Variants in GRID1 observed in about 807,000 individuals in gnomAD.
GRID1 encodes the protein glutamate ionotropic receptor delta type subunit 1, also known as glutamate receptor ionotropic, delta-1.
A neutral mutation model predicts 98.0 loss-of-function variants in GRID1; 28 were observed. The ratio of observed to expected loss-of-function variants is 0.29; its 90% CI spans 0.21 to 0.39. The LOEUF (loss-of-function observed/expected upper bound fraction) is 0.39. GRID1 is among the 10% of genes least tolerant of loss of function. The pLI is 1.00. For synonymous variants in GRID1, 553 were observed against 538.5 expected (o/e 1.03, Z -0.37); for missense variants, 1,111 against 1,340.5 (o/e 0.83, Z 2.67).
At position 85,626,837 on chromosome 10, in the gene GRID1, A is replaced by G. The variant is rs536938285; in HGVS notation, c.2194-6804T>C. Among the ~76,000 whole-genome samples, 15 of 152,342 alleles carry G rather than the reference A, an allele frequency of 9.8e-5. No individual in the cohort carries two copies. In the South Asian group the frequency reaches 3.1e-3, roughly 32 times the overall value. On this transcript the variant is annotated intron_variant, in intron 13 of 15. Coordinates refer to ENST00000327946, the MANE Select transcript of GRID1 (RefSeq NM_017551.3). ...CTGCAGAGAAAAAGACAATTTTGCA[A>G]TCGGCTGGTGGGAGTGTGGCTGGCG... is the stretch of plus-strand genomic sequence containing the variant.
chr10:86,111,043 T>G (rs1235655703), intron 4 of GRID1, among the ~76,000 whole-genome samples: 1 of 152,228 alleles, frequency 6.6e-6, no homozygotes, highest in Non-Finnish European at 1.5e-5. Flanking sequence ...ATTTGTGGGT[T>G]GCTTGGGCAG....
intron 8 of GRID1, among the ~76,000 whole-genome samples, chr10:85,801,849 T>C (rs1388335501): frequency 6.6e-6 from 1 of 151,936 alleles, no homozygotes; most frequent in Non-Finnish European, 1.5e-5. Flanking sequence ...TTAAGAGATA[T>C]TATTTTCAGA....
chr10:85,954,932 G>A (rs1378662669), intron 4 of GRID1, among the ~76,000 whole-genome samples: 1 of 152,200 alleles, frequency 6.6e-6, no homozygotes, highest in African/African-American at 2.4e-5. Context: ...GACACTTGTT[G>A]AACTTGTGTT....
At chr10:86,126,492 C>A (rs550613159) in intron 4 of GRID1, among the ~76,000 whole-genome samples, 1 of 152,062 alleles carries the variant, frequency 6.6e-6, no homozygotes, top group South Asian at 2.1e-4. Context: ...AATAGGAACT[C>A]CTAGGACCAC....
chr10:86,278,003 T>C (rs537882886), intron 2 of GRID1, among the ~76,000 whole-genome samples: 1 of 144,826 alleles, frequency 6.9e-6, no homozygotes. Flanking sequence ...TTATCAATAA[T>C]AACTTTAAAT....
intron 2 of GRID1, among the ~76,000 whole-genome samples, chr10:86,291,185 G>C (rs1397954699): frequency 6.6e-6 from 1 of 152,212 alleles, no homozygotes; most frequent in East Asian, 1.9e-4. Context: ...GTGGCGGGGG[G>C]TGGAAAGCAG....
intron 8 of GRID1, among the ~76,000 whole-genome samples, chr10:85,780,716 C>G (rs532369301): frequency 6.6e-6 from 1 of 152,336 alleles, no homozygotes; most frequent in South Asian, 2.1e-4. Context: ...CCTATTTCCA[C>G]TCTGCCATGC....
chr10:86,112,490 T>G (rs550588362), intron 4 of GRID1, among the ~76,000 whole-genome samples: 1 of 151,926 alleles, frequency 6.6e-6, no homozygotes, highest in South Asian at 2.1e-4. Context: ...TCCTCAGCAA[T>G]GAAATAGGTT....
At chr10:85,788,177 G>A (rs1478315502) in intron 8 of GRID1, among the ~76,000 whole-genome samples, 1 of 152,024 alleles carries the variant, frequency 6.6e-6, no homozygotes, top group Non-Finnish European at 1.5e-5. Context: ...AAAAAATCAG[G>A]AATTATTGAC....
intron 14 of GRID1, among the ~76,000 whole-genome samples, chr10:85,616,930 A>G (rs1842796330): frequency 6.6e-6 from 1 of 152,198 alleles, no homozygotes; most frequent in Non-Finnish European, 1.5e-5. Context: ...GAATGCCCCA[A>G]CTGCATGCTG....
intron 4 of GRID1, among the ~76,000 whole-genome samples, chr10:86,063,188 AAAGC>A (rs1843672405): frequency 6.6e-6 from 1 of 152,240 alleles, no homozygotes; most frequent in Non-Finnish European, 1.5e-5. Context: ...ACACTTATCA[AAAGC>A]AAGGAGAAAA....
At chr10:86,344,268 C>G (rs1049873395) in intron 2 of GRID1, among the ~76,000 whole-genome samples, 1 of 152,242 alleles carries the variant, frequency 6.6e-6, no homozygotes, top group Non-Finnish European at 1.5e-5. Context: ...CAAAACAATT[C>G]TTCAAGGTAG....
intron 8 of GRID1, among the ~76,000 whole-genome samples, chr10:85,826,286 G>C (rs1268974093): frequency 6.6e-6 from 1 of 152,224 alleles, no homozygotes; most frequent in Non-Finnish European, 1.5e-5. Flanking sequence ...GGTGAGCCGA[G>C]ATCGCGCCAC....
intron 12 of GRID1, among the ~76,000 whole-genome samples, chr10:85,694,406 C>A (rs535440129): frequency 2.7e-4 from 41 of 151,726 alleles, no homozygotes; most frequent in African/African-American, 9.7e-4. Context: ...ACCATTTGAT[C>A]CCACTACTGA....
At chr10:85,947,206 A>T (rs1842064554) in intron 4 of GRID1, among the ~76,000 whole-genome samples, 1 of 152,206 alleles carries the variant, frequency 6.6e-6, no homozygotes, top group South Asian at 2.1e-4. Flanking sequence ...CAGTCAAAAA[A>T]GGCTGTGTTG....
At chr10:86,359,859 T>C (rs1181375596) in intron 2 of GRID1, among the ~76,000 whole-genome samples, 2 of 152,216 alleles carry the variant, frequency 1.3e-5, no homozygotes, top group Non-Finnish European at 2.9e-5. Context: ...AGAAGACAAA[T>C]TTTCACACTA....
At position 86,125,876 on chromosome 10, in the gene GRID1, A is replaced by G. The variant is rs78308394; in HGVS notation, c.726+12943T>C. 7.5e-3 allele frequency among the ~76,000 whole-genome samples: 1,149 copies of G among 152,318 alleles called. 25 individuals carry two copies. The East Asian group carries it at 0.078, about 10-fold the overall frequency. ...CCATTTTCTCTACTTTACCGTAAGA[A>G]TATAGTATATAATACCTATAACATA... On this transcript the variant is annotated intron_variant, in intron 4 of 15. Coordinates refer to ENST00000327946, the MANE Select transcript of GRID1 (RefSeq NM_017551.3).
chr10:85,721,747 G>C (rs1311005448), intron 12 of GRID1, among the ~76,000 whole-genome samples: 2 of 152,166 alleles, frequency 1.3e-5, no homozygotes, highest in Non-Finnish European at 2.9e-5. Context: ...CAACACAAAG[G>C]ATCCTTGTGG....
At chr10:86,038,119 A>G (rs959563302) in intron 4 of GRID1, among the ~76,000 whole-genome samples, 5 of 152,096 alleles carry the variant, frequency 3.3e-5, no homozygotes, top group African/African-American at 1.2e-4. Context: ...GGAGAAACCA[A>G]CCCTGCCAAC....
Sources: gnomAD v4.1 joint callset for allele counts (sites outside exome capture counted in the v4.1 genomes callset) on GRCh38, gnomAD v4.1.1 for gene constraint, MANE v1.5 for transcripts, NCBI Gene and HGNC (gene_info 2026-07-23, HGNC 2026-07-21) for gene names.